The following CHD9 variants were observed in gnomAD, a reference collection of about 807,000 sequenced individuals.
The protein encoded by CHD9 is chromodomain helicase DNA binding protein 9.
Under a neutral mutation model 316.1 loss-of-function variants are expected in CHD9, and 77 were observed. The observed-to-expected ratio is 0.24, with a 90% CI of 0.20 to 0.29. The LOEUF is 0.29. Among genes scored for constraint, CHD9 ranks in the 10% least tolerant of loss-of-function variants. CHD9 has a pLI of 1.00. For synonymous variants in CHD9, 1,129 were observed against 1,158.3 expected (o/e 0.97, Z 0.51); for missense variants, 2,763 against 3,438.1 (o/e 0.80, Z 4.91).
At chr16:53,305,353 A>G (rs2055863937) in intron 31 of CHD9, among the ~76,000 whole-genome samples, 1 of 152,170 alleles carries the variant, frequency 6.6e-6, no homozygotes, top group Non-Finnish European at 1.5e-5. Flanking sequence ...AAGCCACCAC[A>G]CCTGGCCTGT....
At chr16:53,244,186 A>G (rs1396714277) in intron 13 of CHD9, among the ~76,000 whole-genome samples, 1 of 149,036 alleles carries the variant, frequency 6.7e-6, no homozygotes, top group Admixed American at 6.7e-5. Flanking sequence ...GTTTCAAAGC[A>G]TATTTCTTTT....
Position 53,151,969 on chromosome 16 carries a change from T to C in CHD9, c.-164-3957T>C, listed in dbSNP as rs573764259. ...TTATTCTTTGTATGCTTTCAGGGTA[T>C]GTGTGTGTGTGTGTGTGTGTGTGTG... On this transcript the variant is annotated intron_variant, in intron 1 of 38. Coordinates refer to ENST00000447540, the MANE Select transcript of CHD9 (RefSeq NM_001308319.2). Among the ~76,000 whole-genome samples the C allele has an allele frequency of 1.3e-4, 8 of 62,900 alleles. No homozygotes were observed. In the South Asian group the frequency reaches 2.9e-3, roughly 23 times the overall value. The allele number at this position is 62,900 out of a possible 152,430, so 41.3% of individuals were successfully genotyped here.
intron 3 of CHD9, among the ~76,000 whole-genome samples, chr16:53,213,572 G>A (rs2046499297): frequency 1.3e-5 from 2 of 152,134 alleles, no homozygotes; most frequent in Admixed American, 1.3e-4. Context: ...TAAAACCACA[G>A]GGATATAACT....
intron 1 of CHD9, among the ~76,000 whole-genome samples, chr16:53,097,030 A>G (rs2036432699): frequency 6.6e-6 from 1 of 152,124 alleles, no homozygotes; most frequent in Non-Finnish European, 1.5e-5. Flanking sequence ...TAAAGACCAC[A>G]TCTCTCAATA....
chr16:53,118,793 C>CT (rs565529283), intron 1 of CHD9, among the ~76,000 whole-genome samples: 1,707 of 127,136 alleles, frequency 0.013, 39 homozygotes, highest in African/African-American at 0.033. Context: ...AGATAACTTT[C>CT]TTTTTTTTTT....
At chr16:53,137,194 G>T (rs1039937097) in intron 1 of CHD9, among the ~76,000 whole-genome samples, 1 of 152,032 alleles carries the variant, frequency 6.6e-6, no homozygotes, top group African/African-American at 2.4e-5. Flanking sequence ...GGATGGTCTC[G>T]ATCTCTTGAC....
chr16:53,222,623 A>G (rs750102521), intron 3 of CHD9, 21 bp from the exon 4 acceptor site: 1 of 1,094,646 alleles, frequency 9.1e-7, no homozygotes, highest in African/African-American at 1.6e-5. Context: ...CATACTTTTT[A>G]TTCTTTTCCT....
chr16:53,106,102 G>A (rs1244882195), intron 1 of CHD9, among the ~76,000 whole-genome samples: 2 of 152,138 alleles, frequency 1.3e-5, no homozygotes, highest in South Asian at 4.1e-4. Flanking sequence ...TTACAGGCGT[G>A]AGCCACCGCA....
intron 1 of CHD9, among the ~76,000 whole-genome samples, chr16:53,102,955 C>T (rs2037014984): frequency 6.6e-6 from 1 of 151,986 alleles, no homozygotes; most frequent in Non-Finnish European, 1.5e-5. Flanking sequence ...ACGCCATTCT[C>T]CTGCCTCAGC....
At chr16:53,168,629 T>G (rs2042446875) in intron 2 of CHD9, 1 of 152,194 alleles carries the variant, frequency 6.6e-6, no homozygotes, top group Non-Finnish European at 1.5e-5. Context: ...GAGCACCTAT[T>G]GTGTATTAGG....
rs1387358678 is a variant in CHD9 at position 53,304,476 on chromosome 16, C to T, written c.6470C>T (p.Ser2157Phe). 1.3e-6 allele frequency: 2 copies of T among 1,561,432 alleles called. No individual in the cohort carries two copies. The highest frequency in any genetic ancestry group is 2.4e-5 in the East Asian group (1 of 41,606). ...TCTTCCTCATCATCCTCTTCTTGCT[C>T]CCACTCTCGATCAGGCTCTAGTTCT... ...SSSSSSSSSC[S>F]HSRSGSSSSS... Residue 2157 changes from serine to phenylalanine, a missense_variant, in exon 31 of 39, where the codon TCC becomes TTC. Physicochemically the swap from Ser to Phe is radical, Grantham distance 155. Transcript: ENST00000447540.
intron 1 of CHD9, among the ~76,000 whole-genome samples, chr16:53,115,243 T>A (rs188419208): frequency 6.2e-4 from 95 of 152,304 alleles, no homozygotes; most frequent in African/African-American, 2.1e-3. Flanking sequence ...TAAGAAGGAC[T>A]CACCCAGATA....
chr16:53,288,149 A>T, intron 27 of CHD9, 135 bp downstream of exon 27: 1 of 663,126 alleles, frequency 1.5e-6, no homozygotes, highest in Middle Eastern at 3.9e-4. Context: ...TAAGTAAGTG[A>T]TCAACTTGGG....
intron 17 of CHD9, among the ~76,000 whole-genome samples, chr16:53,252,135 T>A (rs1293780941): frequency 2.6e-5 from 4 of 152,118 alleles, no homozygotes; most frequent in Non-Finnish European, 5.9e-5. Flanking sequence ...GGCATCACAC[T>A]ACCTGACTTC....
rs766081089 is a variant in CHD9 at position 53,222,750 on chromosome 16, T to C, written c.1891T>C (p.Ser631Pro). 3.4e-6 allele frequency: 5 copies of C among 1,466,030 alleles called. No homozygotes were observed. The highest frequency in any genetic ancestry group is 4.7e-6 in the Non-Finnish European group (5 of 1,066,396). The allele number at this position is 1,466,030 out of a possible 1,614,324, so 90.8% of individuals were successfully genotyped here. ...ACAGCATACATTAAAAGATCAAGAC[T>C]CTCAAGTGAGTATTACAATTTTTTC... ...MPQHTLKDQD[S>P]QKRRSNRQIK... Residue 631 changes from serine (S) to proline (P), a missense_variant, in exon 4 of 39, where the codon TCT becomes CCT. By Grantham distance (74) the Ser-to-Pro change is moderately conservative. Transcript: ENST00000447540.
intron 1 of CHD9, among the ~76,000 whole-genome samples, chr16:53,089,125 T>A (rs922167447): frequency 1.1e-4 from 16 of 141,574 alleles, no homozygotes; most frequent in African/African-American, 2.9e-4. Flanking sequence ...AAAAAAAAAA[T>A]AATAATAATA....
chr16:53,200,729 C>G (rs1363658933), intron 2 of CHD9, among the ~76,000 whole-genome samples: 1 of 152,158 alleles, frequency 6.6e-6, no homozygotes, highest in African/African-American at 2.4e-5. Flanking sequence ...CTCAAAATAT[C>G]TTCCCATAAA....
chr16:53,060,504 T>C (rs2032741286), intron 1 of CHD9, among the ~76,000 whole-genome samples: 1 of 151,978 alleles, frequency 6.6e-6, no homozygotes, highest in South Asian at 2.1e-4. Flanking sequence ...ACACCTGTAA[T>C]TCCAGAACTT....
At chr16:53,082,027 T>C (rs181673394) in intron 1 of CHD9, among the ~76,000 whole-genome samples, 2 of 152,260 alleles carry the variant, frequency 1.3e-5, no homozygotes, top group East Asian at 3.9e-4. Context: ...GAACAAAATG[T>C]ATGAATGTTC....
Sources: gnomAD v4.1 joint callset for allele counts (sites outside exome capture counted in the v4.1 genomes callset) on GRCh38, gnomAD v4.1.1 for gene constraint, MANE v1.5 for transcripts, NCBI Gene and HGNC (gene_info 2026-07-23, HGNC 2026-07-21) for gene names.